UBAC2: variants seen among roughly 807,000 people sequenced by gnomAD.
UBAC2 encodes UBA domain containing 2.
Under a neutral mutation model 44.0 loss-of-function variants are expected in UBAC2, and 26 were observed. The ratio of observed to expected loss-of-function variants is 0.59; its 90% CI spans 0.43 to 0.82. The LOEUF is 0.82. Among genes scored for constraint, UBAC2 ranks in the 40% least tolerant of loss-of-function variants. The pLI, the probability that UBAC2 is intolerant of heterozygous loss-of-function variation, is 0.00. For synonymous variants in UBAC2, 155 were observed against 154.3 expected (o/e 1.00, Z -0.04); for missense variants, 329 against 419.4 (o/e 0.78, Z 1.88).
chr13:99,254,796 G>A (rs1373148377), intron 4 of UBAC2: 4 of 1,043,694 alleles, frequency 3.8e-6, no homozygotes, highest in Non-Finnish European at 2.8e-6. Flanking sequence ...GGACTTGATA[G>A]TATTATACAG....
At chr13:99,237,590 C>T (rs2043253062) in intron 1 of UBAC2, among the ~76,000 whole-genome samples, 1 of 152,182 alleles carries the variant, frequency 6.6e-6, no homozygotes, top group Non-Finnish European at 1.5e-5. Flanking sequence ...CTGTAGTTGA[C>T]ACTAATCTAT....
chr13:99,362,718 A>G (rs2045281720), intron 7 of UBAC2, among the ~76,000 whole-genome samples: 1 of 152,212 alleles, frequency 6.6e-6, no homozygotes, highest in East Asian at 1.9e-4. Flanking sequence ...TCATTGATTT[A>G]TAAGTGTTGT....
At chr13:99,346,021 G>A (rs2044974007) in intron 7 of UBAC2, among the ~76,000 whole-genome samples, 1 of 152,150 alleles carries the variant, frequency 6.6e-6, no homozygotes, top group Non-Finnish European at 1.5e-5. Context: ...GATTACAGGC[G>A]TGAGCCACCG....
At chr13:99,258,308 C>CT (rs1397678600) in intron 4 of UBAC2, 2 of 152,204 alleles carry the variant, frequency 1.3e-5, no homozygotes, top group Non-Finnish European at 2.9e-5. Flanking sequence ...TCTTTTGTTG[C>CT]TTTAAAAAGT....
At chr13:99,249,411 T>C (rs2043430507) in intron 4 of UBAC2, among the ~76,000 whole-genome samples, 1 of 152,380 alleles carries the variant, frequency 6.6e-6, no homozygotes, top group East Asian at 1.9e-4. Context: ...ATGGTGTGTA[T>C]GTACCATATT....
intron 5 of UBAC2, among the ~76,000 whole-genome samples, chr13:99,317,756 C>A (rs1182199428): frequency 6.6e-6 from 1 of 152,010 alleles, no homozygotes; most frequent in Non-Finnish European, 1.5e-5. Flanking sequence ...ACTTGGGTTT[C>A]ATTTATTTTT....
At chr13:99,373,671 CAA>C (rs1432841848) in intron 8 of UBAC2, among the ~76,000 whole-genome samples, 1 of 152,026 alleles carries the variant, frequency 6.6e-6, no homozygotes, top group African/African-American at 2.4e-5. Flanking sequence ...GGCCTGAAGA[CAA>C]GTACATGGGA....
chr13:99,375,415 G>A (rs2045466756), intron 8 of UBAC2, among the ~76,000 whole-genome samples: 2 of 152,196 alleles, frequency 1.3e-5, no homozygotes, highest in African/African-American at 2.4e-5. Flanking sequence ...CAGGTAACCG[G>A]TGCCAGTTGC....
At chr13:99,358,464 G>GTGC (rs2045219584) in intron 7 of UBAC2, among the ~76,000 whole-genome samples, 1 of 152,186 alleles carries the variant, frequency 6.6e-6, no homozygotes, top group South Asian at 2.1e-4. Flanking sequence ...ATGGAAAACA[G>GTGC]TGCCACTCTT....
chr13:99,269,961 G>C (rs2138663275), intron 4 of UBAC2, among the ~76,000 whole-genome samples: 1 of 152,338 alleles, frequency 6.6e-6, no homozygotes, highest in Admixed American at 6.5e-5. Context: ...TTAACAGTTT[G>C]ATACCCTGTG....
At chr13:99,290,928 A>G (rs562792441) in intron 4 of UBAC2, among the ~76,000 whole-genome samples, 22 of 152,210 alleles carry the variant, frequency 1.4e-4, no homozygotes, top group African/African-American at 5.3e-4. Flanking sequence ...AATTGAATTC[A>G]GATGTGGTGA....
At chr13:99,241,481 A>G (rs536908735) in intron 2 of UBAC2, among the ~76,000 whole-genome samples, 5 of 152,340 alleles carry the variant, frequency 3.3e-5, no homozygotes, top group Non-Finnish European at 7.3e-5. Context: ...GCAAAGTGAA[A>G]TGAGCAAATG....
intron 6 of UBAC2, among the ~76,000 whole-genome samples, chr13:99,325,446 G>A (rs1279603229): frequency 6.6e-6 from 1 of 152,120 alleles, no homozygotes; most frequent in Non-Finnish European, 1.5e-5. Flanking sequence ...ACCACATGCA[G>A]TTTCTTCCAA....
At chr13:99,307,470 T>A (rs1319442059) in intron 4 of UBAC2, 1 of 152,132 alleles carries the variant, frequency 6.6e-6, no homozygotes, top group Non-Finnish European at 1.5e-5. Context: ...GACTTTTTTT[T>A]TCTCTGTCAC....
chr13:99,350,039 A>C (rs912653335), intron 7 of UBAC2, among the ~76,000 whole-genome samples: 3 of 152,154 alleles, frequency 2.0e-5, no homozygotes, highest in African/African-American at 7.2e-5. Flanking sequence ...CTTCTAGGTC[A>C]CTTCTCACAA....
At chr13:99,322,392 C>G (rs1484286499) in intron 6 of UBAC2, among the ~76,000 whole-genome samples, 1 of 152,224 alleles carries the variant, frequency 6.6e-6, no homozygotes, top group African/African-American at 2.4e-5. Context: ...GTCATTACCA[C>G]AGGGATGCAC....
intron 1 of UBAC2, among the ~76,000 whole-genome samples, chr13:99,223,463 A>G (rs1194762336): frequency 7.5e-6 from 1 of 133,742 alleles, no homozygotes; most frequent in African/African-American, 2.8e-5. Context: ...TGTTTTTTCC[A>G]TTTCATTGAT....
At chr13:99,219,028 A>G (rs963482473) in intron 1 of UBAC2, among the ~76,000 whole-genome samples, 2 of 152,340 alleles carry the variant, frequency 1.3e-5, no homozygotes, top group Admixed American at 6.5e-5. Flanking sequence ...AAGTTACTTT[A>G]TGAGACACCA....
intron 4 of UBAC2, chr13:99,312,920 G>A (rs1368525968): frequency 6.5e-6 from 1 of 153,000 alleles, no homozygotes; most frequent in Non-Finnish European, 1.5e-5. Context: ...TTTATCTTTG[G>A]ATACTGGAGC....
Sources: allele counts gnomAD v4.1 joint callset (sites outside exome capture counted in the v4.1 genomes callset), GRCh38; gene constraint gnomAD v4.1.1; transcripts MANE v1.5; gene names NCBI Gene and HGNC (gene_info 2026-07-23, HGNC 2026-07-21).